ADGRG6: variants seen among roughly 807,000 people sequenced by gnomAD.
ADGRG6 encodes adhesion G protein-coupled receptor G6, also known as G-protein coupled receptor 126.
A neutral mutation model predicts 142.4 loss-of-function variants in ADGRG6; 84 were observed. The observed-to-expected ratio is 0.59, with a 90% CI of 0.49 to 0.71. The LOEUF is 0.71. ADGRG6 is among the 30% of genes least tolerant of loss of function. ADGRG6 has a pLI of 0.00. For missense variants in ADGRG6, 1,367 were observed against 1,466.6 expected, an observed-to-expected ratio of 0.93 and a Z score of 1.11; for synonymous variants, 521 against 520.5, an observed-to-expected ratio of 1.00 and a Z score of -0.01.
intron 2 of ADGRG6, among the ~76,000 whole-genome samples, chr6:142,321,623 T>G (rs777963130): frequency 6.6e-6 from 1 of 152,068 alleles, no homozygotes; most frequent in Non-Finnish European, 1.5e-5. Context: ...TTTGTTTATA[T>G]GGAATTACGG....
chr6:142,375,607 A>G (rs994855424), intron 4 of ADGRG6, among the ~76,000 whole-genome samples: 1 of 152,234 alleles, frequency 6.6e-6, no homozygotes, highest in Non-Finnish European at 1.5e-5. Context: ...CCAGGAAATG[A>G]AAGCATCTTG....
chr6:142,393,816 T>G, intron 8 of ADGRG6, 80 bp from the exon 9 acceptor site: 1 of 855,952 alleles, frequency 1.2e-6, no homozygotes, highest in Middle Eastern at 2.2e-4. Context: ...TTCTGTCTCT[T>G]TATTTCAGGT....
chr6:142,326,789 G>A (rs1326972528), intron 2 of ADGRG6, among the ~76,000 whole-genome samples: 3 of 152,106 alleles, frequency 2.0e-5, no homozygotes, highest in African/African-American at 7.2e-5. Context: ...TGAGGGTTAA[G>A]GGTGTGTGTA....
intron 14 of ADGRG6, 193 bp from the exon 15 acceptor site, chr6:142,405,495 C>A (rs1456794924): frequency 1.0e-5 from 7 of 671,332 alleles, no homozygotes; most frequent in African/African-American, 3.6e-5. Context: ...CATGTAAAAC[C>A]CAAATGAGAT....
intron 2 of ADGRG6, among the ~76,000 whole-genome samples, chr6:142,366,051 A>C (rs1780929729): frequency 6.6e-6 from 1 of 152,190 alleles, no homozygotes; most frequent in Admixed American, 6.5e-5. Context: ...TACTGCCTTC[A>C]TTTATATAAA....
chr6:142,362,151 C>A (rs925305499), intron 2 of ADGRG6, among the ~76,000 whole-genome samples: 4 of 152,046 alleles, frequency 2.6e-5, no homozygotes, highest in Non-Finnish European at 5.9e-5. Flanking sequence ...TTTGGAAATT[C>A]AAAAAATTGT....
In ADGRG6 at chr6:142,367,629, C is replaced by T. The variant is rs1052713376; in HGVS notation, c.164C>T (p.Pro55Leu). 6.2e-7 allele frequency: 1 copy of T among 1,613,830 alleles called. No homozygotes were observed. The highest frequency in any genetic ancestry group is 8.5e-7 in the Non-Finnish European group (1 of 1,179,850). Residue 55 changes from proline to leucine, a missense_variant, in exon 3 of 25, where the codon CCA (proline) becomes CTA (leucine). Physicochemically the swap from Pro to Leu is moderately conservative, Grantham distance 98 (BLOSUM62 -3). Around this residue, in one of 3 missense-constraint regions of ADGRG6, gnomAD observed 737 missense variants for 746.5 expected, o/e 0.99. Coordinates refer to ENST00000367609, the MANE Select transcript of ADGRG6 (RefSeq NM_198569.3). ...LSNPSGTFTS[P>L]CYPNDYPNSQ... is the part of the protein sequence containing the mutation. Reference sequence around the variant, plus strand: ...AACCCTTCTGGGACCTTTACTTCTCCATGCTACCCTAACGACTACCCAAAC... The same window carrying T: ...AACCCTTCTGGGACCTTTACTTCTCTATGCTACCCTAACGACTACCCAAAC...
At chr6:142,338,027 T>TTTG (rs1554234627) in intron 2 of ADGRG6, among the ~76,000 whole-genome samples, 26 of 58,000 alleles carry the variant, frequency 4.5e-4, no homozygotes, top group African/African-American at 1.2e-3. Flanking sequence ...GTTTTTTTTT[T>TTTG]TTTTTTTTTT....
At chr6:142,349,689 A>G (rs1049270806) in intron 2 of ADGRG6, among the ~76,000 whole-genome samples, 14 of 152,208 alleles carry the variant, frequency 9.2e-5, no homozygotes, top group Non-Finnish European at 1.3e-4. Flanking sequence ...AAGTCACTCT[A>G]TGTAGGGTTT....
chr6:142,337,769 C>T (rs1268118399), intron 2 of ADGRG6, among the ~76,000 whole-genome samples: 2 of 151,838 alleles, frequency 1.3e-5, no homozygotes, highest in Non-Finnish European at 2.9e-5. Context: ...CTAAGTCCAG[C>T]TCTATTTGGA....
chr6:142,399,232 G>A (rs985347009), intron 10 of ADGRG6, among the ~76,000 whole-genome samples: 4 of 152,138 alleles, frequency 2.6e-5, no homozygotes, highest in Non-Finnish European at 5.9e-5. Flanking sequence ...TGCGACCAAG[G>A]CCATAATCAC....
At chr6:142,308,763 T>C (rs1262406334) in intron 1 of ADGRG6, among the ~76,000 whole-genome samples, 4 of 151,842 alleles carry the variant, frequency 2.6e-5, no homozygotes, top group African/African-American at 9.7e-5. Flanking sequence ...TTTGCCTTTT[T>C]TTTTTGATGG....
rs369740372 is a variant in ADGRG6, at chr6:142,409,863, T to C, written c.2389-11T>C. 571 of 1,350,308 alleles carry C rather than the reference T, an allele frequency of 4.2e-4. 1 individual carries two copies. Among genetic ancestry groups the C allele is most frequent in the Non-Finnish European group, 5.5e-4 (534 of 967,600 alleles). The allele number at this position is 1,350,308 out of a possible 1,614,324, so 83.6% of individuals were successfully genotyped here. A position where few individuals can be genotyped will look rare whatever the true frequency, so the allele number is the denominator to read the frequency against. On this transcript the variant is annotated splice_polypyrimidine_tract_variant and intron_variant, in intron 16 of 24. Transcript: ENST00000367609. ...ACACAATTTCACATGTTTATTCTTA[T>C]GTTAATATAGGAAGTGCATCATCCC...
intron 2 of ADGRG6, among the ~76,000 whole-genome samples, chr6:142,335,640 TAC>T (rs1031305170): frequency 2.1e-4 from 32 of 152,172 alleles, no homozygotes; most frequent in African/African-American, 7.7e-4. Context: ...GGAAGTTATT[TAC>T]ACAGAGGATG....
chr6:142,354,694 C>G (rs1456392872), intron 2 of ADGRG6, among the ~76,000 whole-genome samples: 1 of 152,172 alleles, frequency 6.6e-6, no homozygotes, highest in Non-Finnish European at 1.5e-5. Context: ...GGACGTATTA[C>G]AGAAAAAATG....
intron 22 of ADGRG6, among the ~76,000 whole-genome samples, chr6:142,435,891 A>C (rs748922108): frequency 1.3e-5 from 2 of 152,198 alleles, no homozygotes; most frequent in Non-Finnish European, 2.9e-5. Context: ...CTGAGACCAG[A>C]ATGACAGGTA....
intron 2 of ADGRG6, among the ~76,000 whole-genome samples, chr6:142,332,653 A>G (rs1045239094): frequency 6.6e-6 from 1 of 152,180 alleles, no homozygotes; most frequent in African/African-American, 2.4e-5. Flanking sequence ...ATAAAACATT[A>G]TTACTTACCA....
At chr6:142,384,798 A>T (rs190160587) in intron 6 of ADGRG6, among the ~76,000 whole-genome samples, 1 of 152,150 alleles carries the variant, frequency 6.6e-6, no homozygotes, top group Non-Finnish European at 1.5e-5. Flanking sequence ...CAGAGGTTAC[A>T]TCAATTTCCT....
intron 2 of ADGRG6, among the ~76,000 whole-genome samples, chr6:142,358,431 A>G (rs1182813247): frequency 6.6e-6 from 1 of 152,202 alleles, no homozygotes; most frequent in Non-Finnish European, 1.5e-5. Flanking sequence ...TCCTTGTAGA[A>G]TAAGTCTGCC....
Sources: gnomAD v4.1 joint callset for allele counts (sites outside exome capture counted in the v4.1 genomes callset) on GRCh38, gnomAD v4.1.1 for gene constraint, gnomAD v4.1.1 regional missense constraint, MANE v1.5 for transcripts, NCBI Gene and HGNC (gene_info 2026-07-23, HGNC 2026-07-21) for gene names.